OR6N1: variants seen among roughly 807,000 people sequenced by gnomAD.
The protein encoded by OR6N1 is olfactory receptor 6N1.
For synonymous variants in OR6N1, 170 were observed against 150.7 expected, an observed-to-expected ratio of 1.13 and a Z score of -0.94; for missense variants, 394 against 371.7, an observed-to-expected ratio of 1.06 and a Z score of -0.49.
chr1:158,826,902 G>A, the OR6N1 span, among the ~76,000 whole-genome samples: 2 of 152,134 alleles, frequency 1.3e-5, no homozygotes, highest in Admixed American at 6.5e-5. Flanking sequence ...AGACTAGCAA[G>A]AAATGAGGCT....
upstream of OR6N1, chr1:158,774,882 A>T (rs1657546496): frequency 6.6e-6 from 1 of 152,230 alleles, no homozygotes; most frequent in South Asian, 2.1e-4. Context: ...TGCATTCTAT[A>T]GAACAGTGGG....
chr1:158,782,316 C>G, the OR6N1 span, among the ~76,000 whole-genome samples: 100 of 152,340 alleles, frequency 6.6e-4, no homozygotes, highest in African/African-American at 2.3e-3. Flanking sequence ...GGCAACTAAA[C>G]TTCTCCAAAT....
At chr1:158,779,991 G>T in the OR6N1 span, among the ~76,000 whole-genome samples, 1 of 152,176 alleles carries the variant, frequency 6.6e-6, no homozygotes, top group Non-Finnish European at 1.5e-5. Context: ...GCATAGAATT[G>T]TGAAATCAAT....
upstream of OR6N1, among the ~76,000 whole-genome samples, chr1:158,772,913 C>A (rs1657459716): frequency 6.6e-6 from 1 of 152,134 alleles, no homozygotes; most frequent in Non-Finnish European, 1.5e-5. Flanking sequence ...CTAATTTGAT[C>A]ATTCTACTCT....
Position 158,766,143 on chromosome 1 carries a change from G to A in OR6N1, c.540C>T (p.Asp180=). ...AAGCCAAACTCAGCACAGGAGGGAA[G>A]TCACAAAAGACGTGCTGAATGCGAT... The part of the protein sequence containing the change: ...GPNRIQHVFC[D]FPPVLSLACT... The change falls in exon 2 of 2, where the codon GAC becomes GAT. Residue 180 remains aspartate (D), a synonymous_variant. Coordinates refer to ENST00000641846, the MANE Select transcript of OR6N1 (RefSeq NM_001005185.2). 1 of 1,614,198 alleles carries A rather than the reference G, an allele frequency of 6.2e-7. No homozygotes were observed. The highest frequency in any genetic ancestry group is 8.5e-7 in the Non-Finnish European group (1 of 1,180,048).
At chr1:158,790,012 T>A in the OR6N1 span, among the ~76,000 whole-genome samples, 1 of 152,222 alleles carries the variant, frequency 6.6e-6, no homozygotes, top group East Asian at 1.9e-4. Context: ...TTAATGTTTT[T>A]ATGTTGTGAG....
chr1:158,806,520 T>C, the OR6N1 span, among the ~76,000 whole-genome samples: 2 of 152,192 alleles, frequency 1.3e-5, no homozygotes, highest in Non-Finnish European at 2.9e-5. Flanking sequence ...TTAAGTGTAT[T>C]GCATATGATC....
the OR6N1 span, among the ~76,000 whole-genome samples, chr1:158,780,188 G>T: frequency 6.6e-6 from 1 of 152,254 alleles, no homozygotes; most frequent in Non-Finnish European, 1.5e-5. Flanking sequence ...CTGACCCAGA[G>T]AAATTAAATT....
the OR6N1 span, chr1:158,777,384 A>G: frequency 6.2e-7 from 1 of 1,614,196 alleles, no homozygotes; most frequent in Middle Eastern, 1.7e-4. Flanking sequence ...CACTGAGAAT[A>G]TTAGACAACA....
At chr1:158,822,438 C>T in the OR6N1 span, among the ~76,000 whole-genome samples, 1 of 152,052 alleles carries the variant, frequency 6.6e-6, no homozygotes, top group African/African-American at 2.4e-5. Flanking sequence ...CACTGTATTT[C>T]TAGGTATTTT....
At chr1:158,795,778 G>C in the OR6N1 span, among the ~76,000 whole-genome samples, 2 of 152,184 alleles carry the variant, frequency 1.3e-5, no homozygotes, top group African/African-American at 2.4e-5. Context: ...TCATGACAGC[G>C]GTCTCCCCAC....
the OR6N1 span, among the ~76,000 whole-genome samples, chr1:158,794,503 C>A: frequency 2.0e-5 from 3 of 152,164 alleles, no homozygotes. Context: ...CCACACTCCA[C>A]GCTGTTGCCA....
rs144086363 is a variant in OR6N1, at chr1:158,764,771, G to A, written c.*973C>T. 1.4e-4 allele frequency: 21 copies of A among 152,026 alleles called. No homozygotes were observed. Among genetic ancestry groups the A allele is most frequent in the African/African-American group, 4.1e-4 (17 of 41,490 alleles). The allele number at this position is 152,026 out of a possible 1,614,324, so 9.4% of individuals were successfully genotyped here. On this transcript the variant is annotated 3_prime_UTR_variant, in exon 2 of 2. Coordinates refer to ENST00000641846, the MANE Select transcript of OR6N1 (RefSeq NM_001005185.2). ...TTACAATTCAATAAAGAAATGGTTC[G>A]ATGTAAAAAGTAATCCTATTTCTTT...
At chr1:158,839,037 T>G in the OR6N1 span, among the ~76,000 whole-genome samples, 3 of 152,192 alleles carry the variant, frequency 2.0e-5, no homozygotes, top group Non-Finnish European at 4.4e-5. Flanking sequence ...TATTTAAGAG[T>G]GCTGTTTTAG....
At chr1:158,777,829 A>C in the OR6N1 span, among the ~76,000 whole-genome samples, 1 of 152,186 alleles carries the variant, frequency 6.6e-6, no homozygotes, top group Admixed American at 6.5e-5. Flanking sequence ...ACTATTCATC[A>C]TTTTTACAAG....
the OR6N1 span, among the ~76,000 whole-genome samples, chr1:158,794,170 A>G: frequency 6.6e-6 from 1 of 152,140 alleles, no homozygotes; most frequent in Non-Finnish European, 1.5e-5. Flanking sequence ...GATTTCCCAT[A>G]GCAGAAGTCT....
At chr1:158,794,783 A>C in the OR6N1 span, among the ~76,000 whole-genome samples, 1 of 152,130 alleles carries the variant, frequency 6.6e-6, no homozygotes, top group African/African-American at 2.4e-5. Context: ...TCCTAAACAC[A>C]GTGTTATTTT....
chr1:158,834,779 T>C, the OR6N1 span, among the ~76,000 whole-genome samples: 1 of 152,234 alleles, frequency 6.6e-6, no homozygotes, highest in Non-Finnish European at 1.5e-5. Flanking sequence ...AGATATTTGA[T>C]ATACTTTGAG....
chr1:158,837,885 T>C, the OR6N1 span, among the ~76,000 whole-genome samples: 1 of 151,862 alleles, frequency 6.6e-6, no homozygotes, highest in Non-Finnish European at 1.5e-5. Context: ...CCTACAGATA[T>C]CTCTGTGGTC....
Sources: allele counts gnomAD v4.1 joint callset (sites outside exome capture counted in the v4.1 genomes callset), GRCh38; gene constraint gnomAD v4.1.1; transcripts MANE v1.5; gene names NCBI Gene and HGNC (gene_info 2026-07-23, HGNC 2026-07-21).